Variants in RAPGEF2 observed in about 807,000 individuals in gnomAD.
RAPGEF2 encodes PDZ domain containing guanine nucleotide exchange factor (GEF) 1.
Under a neutral mutation model 186.7 loss-of-function variants are expected in RAPGEF2, and 54 were observed. The ratio of observed to expected loss-of-function variants is 0.29; its 90% CI spans 0.23 to 0.36. RAPGEF2 has a LOEUF of 0.36. RAPGEF2 is among the 10% of genes least tolerant of loss of function. The pLI is 1.00. For synonymous variants in RAPGEF2, 712 were observed against 705.9 expected (o/e 1.01, Z -0.14); for missense variants, 1,532 against 2,045.0 (o/e 0.75, Z 4.84).
intron 1 of RAPGEF2, among the ~76,000 whole-genome samples, chr4:159,106,001 A>G (rs1478350156): frequency 6.6e-6 from 1 of 152,214 alleles, no homozygotes; most frequent in African/African-American, 2.4e-5. Context: ...CAAGACTAGA[A>G]GAGACAAAAC....
rs114355839 is a variant in RAPGEF2, at chr4:159,117,793, T to C, written c.69+13562T>C. Among the ~76,000 whole-genome samples, 368 of 152,264 alleles carry C rather than the reference T, an allele frequency of 2.4e-3. 1 individual carries two copies. Among genetic ancestry groups the C allele is most frequent in the African/African-American group, 8.3e-3 (347 of 41,562 alleles). ...TCACAGGCTTAAAATTTCACAACAC[T>C]GGGCATTGACATTTGTTCATCACCT... On this transcript the variant is annotated intron_variant, in intron 1 of 29. Transcript: ENST00000691494.
chr4:159,154,129 T>C (rs572722239), intron 1 of RAPGEF2, among the ~76,000 whole-genome samples: 1 of 152,338 alleles, frequency 6.6e-6, no homozygotes, highest in Admixed American at 6.5e-5. Flanking sequence ...TAGCATTTTA[T>C]GATTCTATAA....
chr4:159,284,405 T>G (rs1245262501), intron 7 of RAPGEF2, among the ~76,000 whole-genome samples: 2 of 151,938 alleles, frequency 1.3e-5, no homozygotes, highest in Non-Finnish European at 2.9e-5. Flanking sequence ...CTTAAGAATT[T>G]TTCCTAAGGG....
At position 159,314,607 on chromosome 4, in the gene RAPGEF2, C is replaced by T; in HGVS notation, c.692C>T (p.Ala231Val). Residue 231 changes from alanine to valine, a missense_variant, in exon 9 of 30, where the codon GCT (alanine) becomes GTT (valine). This residue lies in a region of RAPGEF2 where 810 missense variants were observed against 1,210.5 expected (regional missense o/e 0.67). Coordinates refer to ENST00000691494, the MANE Select transcript of RAPGEF2 (RefSeq NM_001394067.2). ...TGTCTTAAGGCCACAGAAAGCGAGG[C>T]TGGTGATATGGACCTGAGTGGGTTG... ...SDIYQATESE[A>V]GDMDLSGLPE... 4 of 1,610,326 alleles carry T rather than the reference C, an allele frequency of 2.5e-6. No individual in the cohort carries two copies. The highest frequency in any genetic ancestry group is 3.4e-6 in the Non-Finnish European group (4 of 1,179,032).
chr4:159,356,294 GA>G, intron 29 of RAPGEF2, 136 bp downstream of exon 29: 1 of 943,724 alleles, frequency 1.1e-6, no homozygotes, highest in Non-Finnish European at 1.5e-6. Flanking sequence ...ACTACATTCA[GA>G]GTTCCAAATT....
At chr4:159,254,319 G>C (rs1026999430) in intron 7 of RAPGEF2, among the ~76,000 whole-genome samples, 1 of 152,172 alleles carries the variant, frequency 6.6e-6, no homozygotes, top group African/African-American at 2.4e-5. Flanking sequence ...CTTGAGCGCA[G>C]TGAAAAAAGC....
intron 7 of RAPGEF2, among the ~76,000 whole-genome samples, chr4:159,284,232 G>T (rs373810688): frequency 5.9e-5 from 9 of 151,904 alleles, no homozygotes; most frequent in Admixed American, 3.9e-4. Flanking sequence ...ACCTACCTTC[G>T]CCTAACGTAG....
chr4:159,348,962 T>G (rs1344878357), intron 25 of RAPGEF2, among the ~76,000 whole-genome samples: 6 of 152,232 alleles, frequency 3.9e-5, no homozygotes, highest in African/African-American at 1.4e-4. Flanking sequence ...ATCTTTAACA[T>G]TGGTGTCTTT....
intron 1 of RAPGEF2, among the ~76,000 whole-genome samples, chr4:159,150,875 C>T (rs1743464407): frequency 6.6e-6 from 1 of 152,138 alleles, no homozygotes; most frequent in Admixed American, 6.5e-5. Context: ...AGCTCGTGTT[C>T]CCCTGACTGC....
At chr4:159,247,351 C>T (rs1030598361) in intron 7 of RAPGEF2, among the ~76,000 whole-genome samples, 27 of 152,178 alleles carry the variant, frequency 1.8e-4, no homozygotes, top group African/African-American at 6.3e-4. Context: ...ATGGTACACA[C>T]CCAGGGCCCC....
chr4:159,131,947 C>T (rs1741161011), intron 1 of RAPGEF2, among the ~76,000 whole-genome samples: 1 of 152,046 alleles, frequency 6.6e-6, no homozygotes, highest in Admixed American at 6.6e-5. Context: ...CAAGAGGATC[C>T]AGATTCAAAT....
intron 7 of RAPGEF2, among the ~76,000 whole-genome samples, chr4:159,266,198 G>A (rs1225161135): frequency 6.6e-6 from 1 of 152,058 alleles, no homozygotes; most frequent in Non-Finnish European, 1.5e-5. Context: ...GGGTTGGGGG[G>A]ATGGGGAGAA....
chr4:159,152,680 C>G (rs1743685331), intron 1 of RAPGEF2, among the ~76,000 whole-genome samples: 1 of 152,276 alleles, frequency 6.6e-6, no homozygotes, highest in Non-Finnish European at 1.5e-5. Flanking sequence ...TGCAGAGGCA[C>G]AATCTCGGCT....
At chr4:159,161,125 T>C (rs1267788531) in intron 1 of RAPGEF2, among the ~76,000 whole-genome samples, 1 of 152,208 alleles carries the variant, frequency 6.6e-6, no homozygotes, top group African/African-American at 2.4e-5. Context: ...ACATTCTGGA[T>C]GTAAACATTA....
intron 7 of RAPGEF2, among the ~76,000 whole-genome samples, chr4:159,245,829 TTAGAC>T (rs1405365539): frequency 6.6e-6 from 1 of 152,172 alleles, no homozygotes; most frequent in Non-Finnish European, 1.5e-5. Context: ...CAGAGAAATA[TTAGAC>T]TAAAGATTGA....
At chr4:159,172,176 C>T (rs891105973) in intron 1 of RAPGEF2, among the ~76,000 whole-genome samples, 1 of 152,128 alleles carries the variant, frequency 6.6e-6, no homozygotes, top group Non-Finnish European at 1.5e-5. Context: ...ACATTTGGAA[C>T]CTTTTCACTA....
chr4:159,292,066 T>G (rs781462111), intron 7 of RAPGEF2, among the ~76,000 whole-genome samples: 1 of 152,148 alleles, frequency 6.6e-6, no homozygotes, highest in African/African-American at 2.4e-5. Context: ...GAAAATCTTT[T>G]GTGCAACATT....
chr4:159,249,285 C>CTTT (rs34205767), intron 7 of RAPGEF2, among the ~76,000 whole-genome samples: 20 of 123,236 alleles, frequency 1.6e-4, no homozygotes, highest in African/African-American at 4.7e-4. Context: ...AAAAAAGTCT[C>CTTT]TTTTTTTTTT....
chr4:159,332,728 A>T (rs939883630), intron 17 of RAPGEF2, 31 bp downstream of exon 17: 5 of 1,600,574 alleles, frequency 3.1e-6, no homozygotes, highest in African/African-American at 1.3e-5. Flanking sequence ...TCTGTGCATT[A>T]TTTTATTTTG....
Sources: allele counts gnomAD v4.1 joint callset (sites outside exome capture counted in the v4.1 genomes callset), GRCh38; gene constraint gnomAD v4.1.1; regional missense constraint gnomAD v4.1.1; transcripts MANE v1.5; gene names NCBI Gene and HGNC (gene_info 2026-07-23, HGNC 2026-07-21).